Variants in B4GALT6 observed in about 807,000 individuals in gnomAD.
B4GALT6 encodes beta-1,4-galactosyltransferase 6.
B4GALT6 carries 14 observed loss-of-function variants against 46.3 expected under a neutral mutation model. The observed-to-expected ratio is 0.30, with a 90% confidence interval of 0.20 to 0.47. The LOEUF (loss-of-function observed/expected upper bound fraction) is 0.47. Ranked by LOEUF, B4GALT6 falls within the 20% of genes least tolerant of loss-of-function variation. The pLI, the probability that B4GALT6 is intolerant of heterozygous loss-of-function variation, is 0.99. For missense variants in B4GALT6, 386 were observed against 480.1 expected, an observed-to-expected ratio of 0.80 and a Z score of 1.83; for synonymous variants, 168 against 162.0, an observed-to-expected ratio of 1.04 and a Z score of -0.28.
chr18:31,627,528 G>A (rs184296225), intron 6 of B4GALT6, among the ~76,000 whole-genome samples: 2 of 151,928 alleles, frequency 1.3e-5, no homozygotes, highest in South Asian at 2.1e-4. Flanking sequence ...AATTATAAAC[G>A]CATTATTTAT....
the B4GALT6 span, among the ~76,000 whole-genome samples, chr18:31,711,676 T>C: frequency 6.6e-6 from 1 of 152,186 alleles, no homozygotes; most frequent in Non-Finnish European, 1.5e-5. Context: ...GTCCTGAAAT[T>C]CTTATACATG....
intron 1 of B4GALT6, among the ~76,000 whole-genome samples, chr18:31,667,031 C>T (rs2074291198): frequency 6.6e-6 from 1 of 152,170 alleles, no homozygotes; most frequent in Non-Finnish European, 1.5e-5. Context: ...ACAATAAGTG[C>T]TTCAAAAATA....
At chr18:31,671,830 T>C (rs2074360589) in intron 1 of B4GALT6, among the ~76,000 whole-genome samples, 1 of 152,230 alleles carries the variant, frequency 6.6e-6, no homozygotes, top group Non-Finnish European at 1.5e-5. Flanking sequence ...TCATTTTCTA[T>C]TTGACTCTGC....
chr18:31,683,181 G>C (rs2074501014), intron 1 of B4GALT6, among the ~76,000 whole-genome samples: 1 of 152,168 alleles, frequency 6.6e-6, no homozygotes, highest in South Asian at 2.1e-4. Context: ...AAGCAGTCTG[G>C]ATTAGGTTTC....
rs2073707663 is a variant in B4GALT6 at position 31,626,984 on chromosome 18, T to C, written c.899+15A>G. On this transcript the variant is annotated intron_variant, in intron 7 of 8. Transcript: ENST00000306851. ...ATAAAAATTCTATTAGTGAACAATT[T>C]GTACCTCAACATACCTGTTCCAAAG... The C allele has an allele frequency of 3.1e-6, 5 of 1,595,850 alleles. No homozygotes were observed. Among genetic ancestry groups the C allele is most frequent in the Non-Finnish European group, 4.3e-6 (5 of 1,173,996 alleles).
chr18:31,697,076 T>C, the B4GALT6 span, among the ~76,000 whole-genome samples: 3 of 152,148 alleles, frequency 2.0e-5, no homozygotes, highest in East Asian at 5.8e-4. Context: ...TTAGAGACCA[T>C]CCTGGGCAGC....
chr18:31,668,955 G>A (rs921088481), intron 1 of B4GALT6, among the ~76,000 whole-genome samples: 1 of 151,492 alleles, frequency 6.6e-6, no homozygotes, highest in Non-Finnish European at 1.5e-5. Flanking sequence ...AGGTTACAGT[G>A]AGCCGAGCCA....
chr18:31,696,270 A>G, the B4GALT6 span, among the ~76,000 whole-genome samples: 1 of 152,354 alleles, frequency 6.6e-6, no homozygotes, highest in South Asian at 2.1e-4. Flanking sequence ...TATGGAAGAC[A>G]GGTAACATGA....
At chr18:31,667,401 C>T (rs1011947552) in intron 1 of B4GALT6, among the ~76,000 whole-genome samples, 3 of 152,134 alleles carry the variant, frequency 2.0e-5, no homozygotes, top group Non-Finnish European at 4.4e-5. Flanking sequence ...TCTCTGAATA[C>T]AGTAATGACA....
chr18:31,634,146 G>C (rs1334957654), intron 5 of B4GALT6, among the ~76,000 whole-genome samples: 3 of 152,176 alleles, frequency 2.0e-5, no homozygotes, highest in Admixed American at 2.0e-4. Flanking sequence ...CAAAAGGCCA[G>C]ACGGGGAAAG....
intron 2 of B4GALT6, among the ~76,000 whole-genome samples, chr18:31,662,856 C>CAAAA (rs993469549): frequency 2.0e-5 from 3 of 151,816 alleles, no homozygotes; most frequent in African/African-American, 7.3e-5. Context: ...AAAACAAAAA[C>CAAAA]AAAAAAACCC....
chr18:31,704,384 T>C, the B4GALT6 span, among the ~76,000 whole-genome samples: 1 of 152,052 alleles, frequency 6.6e-6, no homozygotes, highest in African/African-American at 2.4e-5. Flanking sequence ...AATTTATTTT[T>C]GTATTTTTAG....
chr18:31,656,067 G>T (rs1472395134), intron 3 of B4GALT6, among the ~76,000 whole-genome samples: 1 of 152,116 alleles, frequency 6.6e-6, no homozygotes, highest in Non-Finnish European at 1.5e-5. Context: ...TTGAGAGCTG[G>T]ACCAGCAATG....
chr18:31,651,157 A>G (rs2144612614), intron 3 of B4GALT6, among the ~76,000 whole-genome samples: 1 of 152,122 alleles, frequency 6.6e-6, no homozygotes, highest in Admixed American at 6.5e-5. Flanking sequence ...GCACCTACAC[A>G]CTGACAAACA....
chr18:31,706,443 C>T, the B4GALT6 span, among the ~76,000 whole-genome samples: 1 of 152,032 alleles, frequency 6.6e-6, no homozygotes, highest in African/African-American at 2.4e-5. Context: ...TCAGCCTGGC[C>T]AACATGGAGA....
intron 6 of B4GALT6, among the ~76,000 whole-genome samples, chr18:31,630,670 C>T (rs1308255957): frequency 6.6e-6 from 1 of 152,140 alleles, no homozygotes; most frequent in Non-Finnish European, 1.5e-5. Flanking sequence ...ACCTATAAGT[C>T]CTGGAACTGT....
Position 31,666,371 on chromosome 18 carries a change from G to C in B4GALT6, c.117C>G (p.Ala39=). The C allele has an allele frequency of 6.7e-7, 1 of 1,500,028 alleles. No homozygotes were observed. Among genetic ancestry groups the C allele is most frequent in the Non-Finnish European group, 9.1e-7 (1 of 1,094,448 alleles). The allele number at this position is 1,500,028 out of a possible 1,614,324, so 92.9% of individuals were successfully genotyped here. Residue 39 remains alanine, a splice_region_variant and synonymous_variant, in exon 2 of 9, where the codon GCC becomes GCG. Transcript: ENST00000306851. ...CTTGTACCATAAAGAGATATGTGTT[G>C]GCTATAAAAGAAAAATAGAGAAAGA... The part of the protein sequence containing the change: ...LYFIYVAPGI[A]NTYLFMVQAR...
chr18:31,663,946 G>A (rs1023512613), intron 2 of B4GALT6, among the ~76,000 whole-genome samples: 7 of 152,118 alleles, frequency 4.6e-5, no homozygotes, highest in Non-Finnish European at 7.3e-5. Flanking sequence ...CCCTTTCCCC[G>A]TAGGTAACAG....
the B4GALT6 span, among the ~76,000 whole-genome samples, chr18:31,724,032 G>A: frequency 1.3e-5 from 2 of 152,034 alleles, no homozygotes; most frequent in African/African-American, 4.8e-5. Context: ...TCCTCGCAGA[G>A]GGGAGGGGAG....
Sources: gnomAD v4.1 joint callset for allele counts (sites outside exome capture counted in the v4.1 genomes callset) on GRCh38, gnomAD v4.1.1 for gene constraint, MANE v1.5 for transcripts, NCBI Gene and HGNC (gene_info 2026-07-23, HGNC 2026-07-21) for gene names.